The following CADM2 variants were observed in gnomAD, a reference collection of about 807,000 sequenced individuals.
CADM2 encodes the protein immunoglobulin superfamily member 4D.
In CADM2, 12 loss-of-function variants were observed where a neutral mutation model predicts 49.8. The ratio of observed to expected loss-of-function variants is 0.24; its 90% CI spans 0.15 to 0.39. The LOEUF (loss-of-function observed/expected upper bound fraction) is 0.39. CADM2 is among the 10% of genes least tolerant of loss of function. CADM2 has a pLI of 1.00. For missense variants in CADM2, 378 were observed against 492.3 expected (o/e 0.77, Z 2.20); for synonymous variants, 214 against 175.4 (o/e 1.22, Z -1.74).
chr3:85,276,533 G>A (rs1030216302), intron 1 of CADM2, among the ~76,000 whole-genome samples: 3 of 151,176 alleles, frequency 2.0e-5, no homozygotes, highest in African/African-American at 7.3e-5. Flanking sequence ...ATTTTCATTA[G>A]TATTGATTTT....
At chr3:85,118,993 T>G (rs6788656) in intron 1 of CADM2, among the ~76,000 whole-genome samples, 1 of 151,892 alleles carries the variant, frequency 6.6e-6, no homozygotes, top group Non-Finnish European at 1.5e-5. Flanking sequence ...AGGTGATCCA[T>G]CCATCTTGGC....
chr3:85,432,765 C>G (rs1308814312), intron 1 of CADM2, among the ~76,000 whole-genome samples: 1 of 152,008 alleles, frequency 6.6e-6, no homozygotes, highest in Non-Finnish European at 1.5e-5. Flanking sequence ...AATGTACATT[C>G]TTATTTTGCA....
intron 1 of CADM2, among the ~76,000 whole-genome samples, chr3:85,329,247 A>G (rs927284235): frequency 1.3e-5 from 2 of 152,140 alleles, no homozygotes; most frequent in Admixed American, 6.6e-5. Context: ...TAAAAAACAA[A>G]TAACACAGGA....
chr3:85,971,998 A>G (rs1726209815), intron 8 of CADM2, among the ~76,000 whole-genome samples: 1 of 150,712 alleles, frequency 6.6e-6, no homozygotes, highest in South Asian at 2.1e-4. Context: ...TTCAAATATA[A>G]TTTTTAAAAG....
chr3:85,522,200 T>C (rs6802399), intron 1 of CADM2, among the ~76,000 whole-genome samples: 133,126 of 152,112 alleles, frequency 0.88, 58,399 homozygotes, highest in East Asian at 0.95. Context: ...TCCCCTTCCC[T>C]GTTCGCCTTC....
At chr3:85,755,821 C>T (rs1200940701) in intron 2 of CADM2, among the ~76,000 whole-genome samples, 1 of 152,146 alleles carries the variant, frequency 6.6e-6, no homozygotes, top group Non-Finnish European at 1.5e-5. Context: ...CCTCCTCCAA[C>T]ACCAGGGATT....
chr3:85,047,720 T>C (rs1282336701), intron 1 of CADM2, among the ~76,000 whole-genome samples: 2 of 152,204 alleles, frequency 1.3e-5, no homozygotes, highest in Non-Finnish European at 2.9e-5. Flanking sequence ...AATGGTCTAC[T>C]TGAACTCCTA....
intron 1 of CADM2, among the ~76,000 whole-genome samples, chr3:84,979,603 G>C (rs1275779517): frequency 6.6e-6 from 1 of 151,766 alleles, no homozygotes; most frequent in African/African-American, 2.4e-5. Context: ...TTAAGGGGGA[G>C]AGAAATAGAT....
intron 3 of CADM2, among the ~76,000 whole-genome samples, chr3:85,815,347 T>A (rs984679761): frequency 6.6e-6 from 1 of 152,078 alleles, no homozygotes; most frequent in East Asian, 1.9e-4. Flanking sequence ...AAATCCTCAA[T>A]AAAATACTGG....
intron 3 of CADM2, among the ~76,000 whole-genome samples, chr3:85,833,823 T>C (rs2074287975): frequency 6.6e-6 from 1 of 151,656 alleles, no homozygotes; most frequent in Non-Finnish European, 1.5e-5. Flanking sequence ...TGTTCTTCTT[T>C]CTCAAAATTT....
chr3:85,324,041 T>C (rs1317604013), intron 1 of CADM2, among the ~76,000 whole-genome samples: 1 of 152,156 alleles, frequency 6.6e-6, no homozygotes, highest in African/African-American at 2.4e-5. Flanking sequence ...ATAGACAATA[T>C]ATCTGTATTT....
chr3:84,964,085 C>T (rs1416376379), intron 1 of CADM2, among the ~76,000 whole-genome samples: 1 of 152,118 alleles, frequency 6.6e-6, no homozygotes, highest in Non-Finnish European at 1.5e-5. Flanking sequence ...ATTTCTATAA[C>T]TATTAGAACT....
chr3:85,728,380 G>A (rs189666262), intron 2 of CADM2, among the ~76,000 whole-genome samples: 4 of 152,194 alleles, frequency 2.6e-5, no homozygotes, highest in Admixed American at 2.0e-4. Flanking sequence ...TACAAGGCAA[G>A]CAATGACACG....
intron 3 of CADM2, among the ~76,000 whole-genome samples, chr3:85,824,994 G>A (rs2073822951): frequency 6.6e-6 from 1 of 151,956 alleles, no homozygotes; most frequent in Admixed American, 6.6e-5. Context: ...AAGGACTTCG[G>A]GTGGAGGAGA....
At chr3:85,282,006 C>T (rs1252622794) in intron 1 of CADM2, among the ~76,000 whole-genome samples, 1 of 152,012 alleles carries the variant, frequency 6.6e-6, no homozygotes, top group African/African-American at 2.4e-5. Flanking sequence ...ATAAATTCTA[C>T]TCAACAATAA....
chr3:85,009,019 A>C (rs2033867154), intron 1 of CADM2, among the ~76,000 whole-genome samples: 2 of 152,184 alleles, frequency 1.3e-5, no homozygotes, highest in Admixed American at 1.3e-4. Context: ...TCTGGTTTTC[A>C]TTGTTTGTAT....
chr3:85,327,288 C>T (rs1422163363), intron 1 of CADM2, among the ~76,000 whole-genome samples: 2 of 151,864 alleles, frequency 1.3e-5, no homozygotes, highest in East Asian at 1.9e-4. Context: ...GACAGATTCT[C>T]AGTGTTGCCC....
At chr3:85,852,755 A>G (rs995680778) in intron 3 of CADM2, among the ~76,000 whole-genome samples, 1 of 152,046 alleles carries the variant, frequency 6.6e-6, no homozygotes, top group African/African-American at 2.4e-5. Context: ...TTATCATCAT[A>G]CTTTGCACAT....
intron 6 of CADM2, among the ~76,000 whole-genome samples, chr3:85,928,674 G>A (rs757093390): frequency 4.3e-4 from 65 of 152,118 alleles, no homozygotes; most frequent in Non-Finnish European, 7.8e-4. Flanking sequence ...AAATATCTGC[G>A]TATTTTAGTT....
Sources: allele counts gnomAD v4.1 joint callset (sites outside exome capture counted in the v4.1 genomes callset), GRCh38; gene constraint gnomAD v4.1.1; transcripts MANE v1.5; gene names NCBI Gene and HGNC (gene_info 2026-07-23, HGNC 2026-07-21).